The following DNMT3A variants were observed in gnomAD, a reference collection of about 807,000 sequenced individuals.
The protein encoded by DNMT3A is DNA methyltransferase 3 alpha.
DNMT3A carries 267 observed loss-of-function variants against 117.6 expected under a neutral mutation model. The observed-to-expected ratio is 2.27, with a 90% confidence interval of 2.05 to 2.51. The LOEUF (loss-of-function observed/expected upper bound fraction) is 2.51. Ranked by LOEUF, DNMT3A falls within the 30% of genes most tolerant of loss-of-function variation. The probability of loss-of-function intolerance (pLI) is 0.00; values close to 1 mark genes in which losing one functional copy is unlikely to be tolerated. For synonymous variants in DNMT3A, 432 were observed against 474.8 expected (o/e 0.91, Z 1.17); for missense variants, 1,029 against 1,260.2 (o/e 0.82, Z 2.78).
rs1299885148 is a variant in DNMT3A, at chr2:25,313,935, G to A, written c.50C>T (p.Ala17Val). ...SGPGDTSSSA[A>V]EREEDRKDGE... ...CACCTTTCGGTCCTCCTCCCGCTCC[G>A]CAGCAGAGCTGCTGGTGTCCCCGGG... Residue 17 changes from alanine (A) to valine (V), a missense_variant, in exon 2 of 23, where the codon GCG becomes GTG. Ala to Val is a moderately conservative substitution (Grantham distance 64). Coordinates refer to ENST00000321117, the MANE Select transcript of DNMT3A (RefSeq NM_022552.5). 6.5e-6 allele frequency: 10 copies of A among 1,549,988 alleles called. No homozygotes were observed. Among genetic ancestry groups the A allele is most frequent in the Admixed American group, 3.9e-5 (2 of 50,970 alleles).
At chr2:25,299,866 G>C (rs1049552948) in intron 3 of DNMT3A, among the ~76,000 whole-genome samples, 1 of 152,312 alleles carries the variant, frequency 6.6e-6, no homozygotes, top group Admixed American at 6.5e-5. Flanking sequence ...AGGAGGTGGA[G>C]GTTGCAGTAA....
Position 25,243,888 on chromosome 2 carries a change from C to T in DNMT3A, c.1936+10G>A. ...AGGCGGCCAGCACCTCTTGGGCCTG[C>T]ACCCCTCACCTGTAGCGATTCCATC... On this transcript the variant is annotated intron_variant, in intron 16 of 22. Transcript: ENST00000321117. 1.3e-6 allele frequency: 2 copies of T among 1,551,890 alleles called. No homozygotes were observed. The highest frequency in any genetic ancestry group is 2.4e-5 in the South Asian group (2 of 84,064).
chr2:25,285,764 A>T (rs2032263716), intron 3 of DNMT3A, among the ~76,000 whole-genome samples: 1 of 152,208 alleles, frequency 6.6e-6, no homozygotes. Flanking sequence ...TCCCTGCTTA[A>T]GCAAAGAGGG....
At chr2:25,334,972 A>G (rs2035152987) in intron 1 of DNMT3A, among the ~76,000 whole-genome samples, 1 of 152,164 alleles carries the variant, frequency 6.6e-6, no homozygotes. Context: ...GTTCATTTAC[A>G]TTTTTTCAAA....
At chr2:25,248,353 A>G in intron 6 of DNMT3A, 101 bp from the exon 7 acceptor site, 1 of 1,349,318 alleles carries the variant, frequency 7.4e-7, no homozygotes, top group Non-Finnish European at 1.0e-6. Flanking sequence ...CGGAACAGTG[A>G]CAGAAGGTCA....
intron 3 of DNMT3A, among the ~76,000 whole-genome samples, chr2:25,299,292 C>T (rs2033282994): frequency 6.6e-6 from 1 of 152,178 alleles, no homozygotes; most frequent in Non-Finnish European, 1.5e-5. Context: ...CTGGGGCTGG[C>T]CCTGCAGCCT....
Position 25,234,865 on chromosome 2 carries a change from G to A in DNMT3A, c.2598-445C>T, listed in dbSNP as rs1343883854. 6.6e-6 allele frequency among the ~76,000 whole-genome samples: 1 copy of A among 152,162 alleles called. No individual in the cohort carries two copies. On this transcript the variant is annotated intron_variant, in intron 22 of 22. Coordinates refer to ENST00000321117, the MANE Select transcript of DNMT3A (RefSeq NM_022552.5). This position sits in a 1 kb window ranked among gnomAD's most constrained non-coding sequence, Gnocchi z 4.5. Reference sequence around the variant, plus strand: ...CCTCCCCATCAAGAGCAGGGAAGGCGAAAAAGGAGCCGAACTCCTGCCTGA... The same window carrying A: ...CCTCCCCATCAAGAGCAGGGAAGGCAAAAAAGGAGCCGAACTCCTGCCTGA...
rs1673031357 is a variant in DNMT3A, at chr2:25,233,855, C to A, written c.*424G>T. 4.3e-6 allele frequency: 1 copy of A among 230,528 alleles called. No homozygotes were observed. Among genetic ancestry groups the A allele is most frequent in the African/African-American group, 2.2e-5 (1 of 44,490 alleles). The allele number at this position is 230,528 out of a possible 1,614,324, so 14.3% of individuals were successfully genotyped here. A position where few individuals can be genotyped will look rare whatever the true frequency, so the allele number is the denominator to read the frequency against. On this transcript the variant is annotated 3_prime_UTR_variant, in exon 23 of 23. Coordinates refer to ENST00000321117, the MANE Select transcript of DNMT3A (RefSeq NM_022552.5). ...TATAGAATTTCCTTTTTTCCTCTCT[C>A]CCACCTTTCCTCTGCAAGGTATTGT...
chr2:25,262,164 T>TA (rs1461015760), intron 6 of DNMT3A, among the ~76,000 whole-genome samples: 1 of 124,770 alleles, frequency 8.0e-6, no homozygotes, highest in Non-Finnish European at 1.6e-5. Flanking sequence ...CACTCCAGCC[T>TA]GGCGAGAGAG....
intron 2 of DNMT3A, among the ~76,000 whole-genome samples, chr2:25,301,422 G>C (rs977904045): frequency 1.3e-5 from 2 of 152,176 alleles, no homozygotes; most frequent in African/African-American, 4.8e-5. Flanking sequence ...GCGCATGCCT[G>C]TCAGCCTGCA....
At chr2:25,297,266 A>G (rs1431883871) in intron 3 of DNMT3A, among the ~76,000 whole-genome samples, 1 of 152,078 alleles carries the variant, frequency 6.6e-6, no homozygotes, top group Non-Finnish European at 1.5e-5. Flanking sequence ...CTTCCCAATC[A>G]GCTTCACCTT....
Position 25,247,454 on chromosome 2 carries a change from AC to A in DNMT3A, c.1014+136del. 7.5e-7 allele frequency: 1 copy of A among 1,341,004 alleles called. No individual in the cohort carries two copies. Among genetic ancestry groups the A allele is most frequent in the South Asian group, 1.4e-5 (1 of 70,282 alleles). 83.1% of individuals were successfully genotyped at this position (1,341,004 alleles called of 1,614,324 possible). On this transcript the variant is annotated intron_variant, in intron 8 of 22. Coordinates refer to ENST00000321117, the MANE Select transcript of DNMT3A (RefSeq NM_022552.5). The surrounding 1 kb of genome is among the most constrained non-coding windows in gnomAD (Gnocchi z 5.6). ...CCTAATTATCCCTACAGCTTCTTCCACCCACCACAGGCAGAGTAGGGGTGAG... is the reference window on the plus strand; with the variant it reads ...CCTAATTATCCCTACAGCTTCTTCCACCACCACAGGCAGAGTAGGGGTGAG...
intron 3 of DNMT3A, among the ~76,000 whole-genome samples, chr2:25,299,867 G>T (rs1257814719): frequency 6.6e-6 from 1 of 152,172 alleles, no homozygotes; most frequent in Non-Finnish European, 1.5e-5. Context: ...GGAGGTGGAG[G>T]TTGCAGTAAG....
chr2:25,300,097 TTG>T (rs1389369457), intron 3 of DNMT3A, 40 bp downstream of exon 3: 4 of 1,598,018 alleles, frequency 2.5e-6, no homozygotes, highest in South Asian at 1.1e-5. Flanking sequence ...CACGTGTGTG[TTG>T]TGTGTGTGCA....
At chr2:25,292,974 TG>T (rs1489196246) in intron 3 of DNMT3A, among the ~76,000 whole-genome samples, 1 of 150,496 alleles carries the variant, frequency 6.6e-6, no homozygotes, top group Non-Finnish European at 1.5e-5. Context: ...GGCCCTGGGA[TG>T]TGGAGAGATG....
intron 1 of DNMT3A, among the ~76,000 whole-genome samples, chr2:25,322,511 C>G (rs986054193): frequency 1.3e-5 from 2 of 151,886 alleles, no homozygotes; most frequent in African/African-American, 4.8e-5. Context: ...CTGCGTCCAG[C>G]CCATGGGCAG....
intron 4 of DNMT3A, among the ~76,000 whole-genome samples, chr2:25,277,376 C>G (rs1455070132): frequency 6.6e-6 from 1 of 151,812 alleles, no homozygotes; most frequent in African/African-American, 2.4e-5. Flanking sequence ...CGTTGCTCTG[C>G]CCGGTGAGGC....
At position 25,307,459 on chromosome 2, in the gene DNMT3A, CTTTTTTTTTTT is replaced by C. The variant is rs35144977; in HGVS notation, c.72+6443_72+6453del. ...AGGCATGAGCCACCACACACCGCAG[CTTTTTTTTTTT>C]TTTTTTTTTTTTGAGATGGAGTTTT... On this transcript the variant is annotated intron_variant, in intron 2 of 22. Transcript: ENST00000321117. Among the ~76,000 whole-genome samples the C allele has an allele frequency of 4.7e-3, 375 of 79,104 alleles. 5 individuals carry two copies. The highest frequency in any genetic ancestry group is 9.4e-3 in the Middle Eastern group (1 of 106). The allele number at this position is 79,104 out of a possible 152,430, so 51.9% of individuals were successfully genotyped here.
intron 5 of DNMT3A, 102 bp from the exon 6 acceptor site, chr2:25,275,189 G>C: frequency 7.0e-7 from 1 of 1,425,586 alleles, no homozygotes; most frequent in Non-Finnish European, 9.3e-7. Flanking sequence ...CTCCTGGCCA[G>C]AGAGGGCACC....
Sources: allele counts gnomAD v4.1 joint callset (sites outside exome capture counted in the v4.1 genomes callset), GRCh38; gene constraint gnomAD v4.1.1; non-coding constraint Gnocchi (gnomAD v3.1); transcripts MANE v1.5; gene names NCBI Gene and HGNC (gene_info 2026-07-23, HGNC 2026-07-21).